The following FBXL7 variants were observed in gnomAD, a reference collection of about 807,000 sequenced individuals.
FBXL7 encodes F-box and leucine rich repeat protein 7.
Under a neutral mutation model 38.3 loss-of-function variants are expected in FBXL7, and 12 were observed. That is an observed-to-expected ratio of 0.31 (90% CI 0.20 to 0.51). The LOEUF is 0.51. Ranked by LOEUF, FBXL7 falls within the 20% of genes least tolerant of loss-of-function variation. FBXL7 has a pLI of 0.98. For synonymous variants in FBXL7, 297 were observed against 300.9 expected (o/e 0.99, Z 0.13); for missense variants, 567 against 676.4 (o/e 0.84, Z 1.79).
At chr5:15,704,855 C>T (rs1024147790) in intron 2 of FBXL7, among the ~76,000 whole-genome samples, 21 of 152,096 alleles carry the variant, frequency 1.4e-4, no homozygotes, top group Non-Finnish European at 2.4e-4. Flanking sequence ...TACCTAATTT[C>T]TCAATCCCAC....
intron 2 of FBXL7, among the ~76,000 whole-genome samples, chr5:15,871,541 G>A (rs1361916884): frequency 6.6e-6 from 1 of 152,174 alleles, no homozygotes; most frequent in Non-Finnish European, 1.5e-5. Context: ...ATGCAAGGAA[G>A]CTAAGAACCT....
At chr5:15,533,988 C>T (rs926890062) in intron 1 of FBXL7, among the ~76,000 whole-genome samples, 1 of 151,966 alleles carries the variant, frequency 6.6e-6, no homozygotes, top group Non-Finnish European at 1.5e-5. Context: ...CTGTTTATTA[C>T]TTAAATCTAT....
intron 1 of FBXL7, among the ~76,000 whole-genome samples, chr5:15,591,517 G>A (rs557448652): frequency 3.9e-5 from 6 of 152,092 alleles, no homozygotes; most frequent in Admixed American, 1.3e-4. Flanking sequence ...TAATATTCTT[G>A]TTAAAGGTTT....
chr5:15,649,216 C>T (rs552996639), intron 2 of FBXL7, among the ~76,000 whole-genome samples: 22 of 152,176 alleles, frequency 1.4e-4, no homozygotes, highest in African/African-American at 5.1e-4. Context: ...AGGCTGGTCT[C>T]GAACTCCTGA....
At chr5:15,690,664 T>C (rs1743153397) in intron 2 of FBXL7, among the ~76,000 whole-genome samples, 1 of 152,190 alleles carries the variant, frequency 6.6e-6, no homozygotes, top group Non-Finnish European at 1.5e-5. Context: ...CTAGAGGACA[T>C]TATGTTAAGT....
intron 2 of FBXL7, among the ~76,000 whole-genome samples, chr5:15,887,817 A>G (rs1740739563): frequency 6.6e-6 from 1 of 152,198 alleles, no homozygotes; most frequent in Non-Finnish European, 1.5e-5. Flanking sequence ...AAACTCTTTT[A>G]AATACATATG....
chr5:15,785,964 C>T (rs982234320), intron 2 of FBXL7, among the ~76,000 whole-genome samples: 5 of 152,182 alleles, frequency 3.3e-5, no homozygotes, highest in Non-Finnish European at 7.3e-5. Context: ...ACAGAAAATA[C>T]TTTATGAACA....
At chr5:15,900,850 T>C (rs1741216605) in intron 2 of FBXL7, among the ~76,000 whole-genome samples, 1 of 152,248 alleles carries the variant, frequency 6.6e-6, no homozygotes, top group African/African-American at 2.4e-5. Context: ...TCCAGTTTTC[T>C]TTAGAACAAG....
intron 2 of FBXL7, among the ~76,000 whole-genome samples, chr5:15,726,865 ATTTG>A (rs1372239767): frequency 3.3e-5 from 5 of 151,326 alleles, no homozygotes; most frequent in African/African-American, 1.2e-4. Context: ...TTATTTTGCT[ATTTG>A]TTTTCTACAT....
At chr5:15,818,710 G>C (rs1040810663) in intron 2 of FBXL7, among the ~76,000 whole-genome samples, 2 of 84,516 alleles carry the variant, frequency 2.4e-5, no homozygotes, top group African/African-American at 8.0e-5. Context: ...TTTCGTGTGT[G>C]TGTGTGTGTG....
intron 2 of FBXL7, among the ~76,000 whole-genome samples, chr5:15,634,777 C>G (rs1741129149): frequency 6.6e-6 from 1 of 152,174 alleles, no homozygotes; most frequent in South Asian, 2.1e-4. Flanking sequence ...CTTCTGGAGG[C>G]TGTAGAAGAG....
chr5:15,636,178 C>T (rs1741185065), intron 2 of FBXL7, among the ~76,000 whole-genome samples: 1 of 151,154 alleles, frequency 6.6e-6, no homozygotes, highest in Non-Finnish European at 1.5e-5. Flanking sequence ...TTTTAAAGTA[C>T]AGATCCTTTG....
At chr5:15,731,178 C>G (rs1436638709) in intron 2 of FBXL7, among the ~76,000 whole-genome samples, 1 of 152,082 alleles carries the variant, frequency 6.6e-6, no homozygotes, top group Non-Finnish European at 1.5e-5. Flanking sequence ...GAAGGATCCT[C>G]AAGGGCTGTG....
chr5:15,720,948 A>G (rs955324014), intron 2 of FBXL7, among the ~76,000 whole-genome samples: 2 of 152,186 alleles, frequency 1.3e-5, no homozygotes, highest in African/African-American at 2.4e-5. Flanking sequence ...AAATATAGTA[A>G]TTTTTCTTCT....
intron 1 of FBXL7, among the ~76,000 whole-genome samples, chr5:15,541,720 T>G (rs775135009): frequency 3.3e-5 from 5 of 151,272 alleles, no homozygotes; most frequent in Non-Finnish European, 7.4e-5. Flanking sequence ...GATTTTTGTA[T>G]TTTTAGTAGA....
intron 2 of FBXL7, among the ~76,000 whole-genome samples, chr5:15,707,174 GTTTTTTT>G (rs71603796): frequency 5.4e-4 from 38 of 70,394 alleles, no homozygotes; most frequent in Non-Finnish European, 6.1e-4. Flanking sequence ...TTTTCTTTTC[GTTTTTTT>G]TTTTTTTTTT....
chr5:15,699,670 C>T (rs1343078135), intron 2 of FBXL7, among the ~76,000 whole-genome samples: 1 of 152,168 alleles, frequency 6.6e-6, no homozygotes, highest in African/African-American at 2.4e-5. Flanking sequence ...GAGTCAGAAA[C>T]TGATCCATCC....
At chr5:15,847,774 A>G (rs1046310448) in intron 2 of FBXL7, among the ~76,000 whole-genome samples, 1 of 152,174 alleles carries the variant, frequency 6.6e-6, no homozygotes, top group Non-Finnish European at 1.5e-5. Flanking sequence ...TGTTAAAGAG[A>G]AAAATCCTCC....
In FBXL7 at chr5:15,883,573, G is replaced by A. The variant is rs190563918; in HGVS notation, c.128-44317G>A. On this transcript the variant is annotated intron_variant, in intron 2 of 3. Transcript: ENST00000504595. ...CCATTCTTCAGGTGGTGAAATATGC[G>A]TCATTTTTGTTGGAAATATTGGGGC... Among the ~76,000 whole-genome samples the A allele has an allele frequency of 8.4e-4, 128 of 152,266 alleles. 2 individuals carry two copies. Among genetic ancestry groups the A allele is most frequent in the East Asian group, 4.6e-3 (24 of 5,164 alleles).
Sources: allele counts gnomAD v4.1 joint callset (sites outside exome capture counted in the v4.1 genomes callset), GRCh38; gene constraint gnomAD v4.1.1; transcripts MANE v1.5; gene names NCBI Gene and HGNC (gene_info 2026-07-23, HGNC 2026-07-21).